Variants in NPHP3 observed in about 807,000 individuals in gnomAD.
NPHP3 encodes nephrocystin-3.
In NPHP3, 123 loss-of-function variants were observed where a neutral mutation model predicts 171.9. The observed-to-expected ratio is 0.72, with a 90% CI of 0.62 to 0.83. NPHP3 has a LOEUF of 0.83. NPHP3 is among the 40% of genes least tolerant of loss of function. The pLI is 0.00. For missense variants in NPHP3, 1,506 were observed against 1,591.9 expected (o/e 0.95, Z 0.92); for synonymous variants, 558 against 579.2 (o/e 0.96, Z 0.52).
chr3:132,711,783 G>A (rs1362851535), intron 6 of NPHP3, among the ~76,000 whole-genome samples: 1 of 152,142 alleles, frequency 6.6e-6, no homozygotes, highest in African/African-American at 2.4e-5. Flanking sequence ...GGAAAGAAAA[G>A]GGAAGGGGTG....
intron 7 of NPHP3, among the ~76,000 whole-genome samples, chr3:132,706,800 T>A (rs1939767498): frequency 6.6e-6 from 1 of 152,180 alleles, no homozygotes; most frequent in South Asian, 2.1e-4. Flanking sequence ...ATAAATAGAA[T>A]AAAAAAGATA....
intron 6 of NPHP3, chr3:132,712,479 C>T (rs746837521): frequency 4.6e-5 from 21 of 456,646 alleles, no homozygotes; most frequent in Non-Finnish European, 7.5e-5. Context: ...AGAAAATACA[C>T]GAATGGGCCA....
intron 1 of NPHP3, chr3:132,721,513 T>TTCAACAGATG: frequency 3.6e-6 from 1 of 273,998 alleles, no homozygotes. Context: ...GCTGAGTTGC[T>TTCAACAGATG]TCAACAGATG....
chr3:132,690,088 T>C (rs1234939510), intron 19 of NPHP3, among the ~76,000 whole-genome samples: 1 of 152,198 alleles, frequency 6.6e-6, no homozygotes, highest in African/African-American at 2.4e-5. Context: ...AGGGTAATTC[T>C]TTCTTTAAAT....
chr3:132,699,512 T>G, intron 12 of NPHP3, 62 bp from the exon 13 acceptor site: 1 of 1,025,790 alleles, frequency 9.7e-7, no homozygotes, highest in Non-Finnish European at 1.5e-6. Flanking sequence ...AATCCAATAA[T>G]AGCTCCCCAA....
intron 6 of NPHP3, among the ~76,000 whole-genome samples, chr3:132,708,844 C>A (rs981655192): frequency 6.6e-6 from 1 of 152,120 alleles, no homozygotes. Context: ...CCAGGAGAGG[C>A]CTTTATTCCA....
Position 132,700,016 on chromosome 3 carries a change from C to T in NPHP3, c.1789G>A (p.Ala597Thr). 2.5e-6 allele frequency: 4 copies of T among 1,614,086 alleles called. No homozygotes were observed. Among genetic ancestry groups the T allele is most frequent in the Non-Finnish European group, 3.4e-6 (4 of 1,180,008 alleles). ...CGTGGAAATTCTTCCAGAAGCTTAG[C>T]AGGATCCAGTGTCAGAGCAGAGACT... ...WSVSALTLDP[A>T]KLLEEFPRWL... The change falls in exon 12 of 27, where the codon GCT becomes ACT. Residue 597 changes from alanine to threonine, a missense_variant. Ala to Thr is a moderately conservative substitution (Grantham distance 58). Transcript: ENST00000337331.
chr3:132,710,525 CCTT>C (rs1195749225), intron 6 of NPHP3, among the ~76,000 whole-genome samples: 5 of 152,156 alleles, frequency 3.3e-5, no homozygotes, highest in Non-Finnish European at 7.4e-5. Context: ...AGGCACCTCT[CCTT>C]CTACGTAGGT....
At chr3:132,684,208 A>G (rs1432354035) in intron 24 of NPHP3, among the ~76,000 whole-genome samples, 1 of 152,244 alleles carries the variant, frequency 6.6e-6, no homozygotes, top group Non-Finnish European at 1.5e-5. Context: ...ATGTTGCTTT[A>G]CACAGCAAAC....
At chr3:132,715,050 A>T in intron 5 of NPHP3, 35 bp downstream of exon 5, 1 of 1,555,778 alleles carries the variant, frequency 6.4e-7, no homozygotes, top group Non-Finnish European at 8.9e-7. Context: ...CTTATATTTT[A>T]AATTGGTTGA....
Position 132,718,987 on chromosome 3 carries a change from C to A in NPHP3, c.670+7G>T, listed in dbSNP as rs1483703277. The A allele has an allele frequency of 6.2e-7, 1 of 1,613,992 alleles. No homozygotes were observed. Among genetic ancestry groups the A allele is most frequent in the Non-Finnish European group, 8.5e-7 (1 of 1,179,890 alleles). On this transcript the variant is annotated splice_region_variant and intron_variant, in intron 3 of 26. Coordinates refer to ENST00000337331, the MANE Select transcript of NPHP3 (RefSeq NM_153240.5). ...AAGCTCAAAATATAAATAGGATATA[C>A]ACTTACCAGTGACATCTGTACAGTT...
intron 19 of NPHP3, among the ~76,000 whole-genome samples, chr3:132,690,269 C>T (rs1939265896): frequency 1.3e-5 from 2 of 152,072 alleles, no homozygotes; most frequent in Admixed American, 1.3e-4. Context: ...TTTAGACATG[C>T]TTAAATGTAA....
At chr3:132,719,285 AG>A in intron 2 of NPHP3, 141 bp from the exon 3 acceptor site, 1 of 697,674 alleles carries the variant, frequency 1.4e-6, no homozygotes, top group Non-Finnish European at 2.4e-6. Flanking sequence ...TGAATGTCCT[AG>A]TACCTTTACC....
rs888819979 is a variant in NPHP3 at position 132,681,153 on chromosome 3, T to C, written c.*757A>G. ...TCATAAACATTAACCCTTTAATCCT[T>C]GAAACTTTCCTTTGAGGTAGAGAAT... On this transcript the variant is annotated 3_prime_UTR_variant, in exon 27 of 27. Transcript: ENST00000337331. 1 of 152,210 alleles carries C rather than the reference T, an allele frequency of 6.6e-6. No homozygotes were observed. The highest frequency in any genetic ancestry group is 2.4e-5 in the African/African-American group (1 of 41,454). The allele number at this position is 152,210 out of a possible 1,614,324, so 9.4% of individuals were successfully genotyped here.
At chr3:132,718,857 C>T (rs753255477) in intron 3 of NPHP3, 137 bp downstream of exon 3, 5 of 833,646 alleles carry the variant, frequency 6.0e-6, no homozygotes, top group East Asian at 2.6e-5. Flanking sequence ...AGAGAACACA[C>T]GACACTATTT....
chr3:132,686,320 G>A lies in NPHP3; in HGVS notation c.3269C>T (p.Pro1090Leu). The change falls in exon 23 of 27, where the codon CCT (proline) becomes CTT (leucine). Residue 1090 changes from proline (P) to leucine (L), a missense_variant. Pro to Leu is a moderately conservative substitution (Grantham distance 98, BLOSUM62 -3). Around this residue, in one of 3 missense-constraint regions of NPHP3, gnomAD observed 569 missense variants for 648.1 expected, o/e 0.88. Transcript: ENST00000337331. ...LEELTLGKDT[P>L]DNARTLNELG... Reference sequence around the variant, plus strand: ...TTCATTGAGGGTCCGAGCATTATCAGGTGTGTCCTTACCTAATGTAAGCTC... The same window carrying A: ...TTCATTGAGGGTCCGAGCATTATCAAGTGTGTCCTTACCTAATGTAAGCTC... 6.2e-7 allele frequency: 1 copy of A among 1,613,844 alleles called. No individual in the cohort carries two copies. The highest frequency in any genetic ancestry group is 8.5e-7 in the Non-Finnish European group (1 of 1,179,758).
chr3:132,717,242 G>GAC (rs1353280462), intron 3 of NPHP3: 5 of 249,230 alleles, frequency 2.0e-5, no homozygotes, highest in Non-Finnish European at 3.1e-5. Context: ...GTACAGCTTA[G>GAC]ACACCAGTTA....
intron 23 of NPHP3, chr3:132,685,058 C>G (rs2107963763): frequency 2.3e-6 from 1 of 431,098 alleles, no homozygotes; most frequent in Admixed American, 3.5e-5. Flanking sequence ...TTTTCCAAAA[C>G]AAACTTTTAT....
At chr3:132,687,005 CATAA>C in intron 22 of NPHP3, 142 bp downstream of exon 22, 1 of 565,510 alleles carries the variant, frequency 1.8e-6, no homozygotes, top group South Asian at 2.1e-5. Context: ...TATTTTAACA[CATAA>C]ATAAGAAAAT....
Sources: allele counts gnomAD v4.1 joint callset (sites outside exome capture counted in the v4.1 genomes callset), GRCh38; gene constraint gnomAD v4.1.1; regional missense constraint gnomAD v4.1.1; transcripts MANE v1.5; gene names NCBI Gene and HGNC (gene_info 2026-07-23, HGNC 2026-07-21).